The following RAB11FIP3 variants were observed in gnomAD, a reference collection of about 807,000 sequenced individuals.
The protein encoded by RAB11FIP3 is rab11 family-interacting protein 3.
RAB11FIP3 carries 17 observed loss-of-function variants against 77.8 expected under a neutral mutation model. The observed-to-expected ratio is 0.22, with a 90% CI of 0.15 to 0.33. RAB11FIP3 has a LOEUF of 0.33. RAB11FIP3 is among the 10% of genes least tolerant of loss of function. The probability of loss-of-function intolerance (pLI) is 1.00; values close to 1 mark genes in which losing one functional copy is unlikely to be tolerated. For missense variants in RAB11FIP3, 1,005 were observed against 1,011.2 expected, an observed-to-expected ratio of 0.99 and a Z score of 0.08; for synonymous variants, 437 against 448.2, an observed-to-expected ratio of 0.98 and a Z score of 0.31.
chr16:476,937 A>C (rs941557240), intron 3 of RAB11FIP3, among the ~76,000 whole-genome samples: 4 of 151,798 alleles, frequency 2.6e-5, no homozygotes, highest in African/African-American at 9.7e-5. Flanking sequence ...AAAAATACAA[A>C]AATTAGTTGG....
At chr16:449,325 C>CT (rs1194784723) in intron 1 of RAB11FIP3, among the ~76,000 whole-genome samples, 12 of 152,178 alleles carry the variant, frequency 7.9e-5, no homozygotes, top group African/African-American at 2.9e-4. Flanking sequence ...AATTCAGCTC[C>CT]TTGAGGTTAT....
chr16:450,041 G>C (rs769000229), intron 1 of RAB11FIP3, among the ~76,000 whole-genome samples: 4 of 152,116 alleles, frequency 2.6e-5, no homozygotes, highest in East Asian at 3.9e-4. Context: ...CAAGAGAGGG[G>C]GTCTTAGAAT....
intron 6 of RAB11FIP3, chr16:502,698 C>G (rs1176997332): frequency 2.1e-6 from 1 of 470,664 alleles, no homozygotes; most frequent in South Asian, 2.7e-5. Context: ...AGTACAAAGT[C>G]CTCTCTGCCA....
chr16:433,515 G>C (rs575297720), intron 1 of RAB11FIP3, among the ~76,000 whole-genome samples: 1 of 151,636 alleles, frequency 6.6e-6, no homozygotes, highest in East Asian at 1.9e-4. Flanking sequence ...TTCCTTCCAC[G>C]TTGCTGCAAA....
At chr16:430,790 C>T (rs1224182379) in intron 1 of RAB11FIP3, among the ~76,000 whole-genome samples, 1 of 152,188 alleles carries the variant, frequency 6.6e-6, no homozygotes, top group Non-Finnish European at 1.5e-5. Context: ...CTGAGGCGGG[C>T]AGATCATGAG....
intron 1 of RAB11FIP3, among the ~76,000 whole-genome samples, chr16:456,139 C>T (rs571071615): frequency 1.3e-5 from 2 of 152,088 alleles, no homozygotes; most frequent in Admixed American, 1.3e-4. Context: ...CAAGACCAGC[C>T]TGGCCAACAT....
At chr16:434,628 T>C (rs2055097843) in intron 1 of RAB11FIP3, among the ~76,000 whole-genome samples, 1 of 151,524 alleles carries the variant, frequency 6.6e-6, no homozygotes, top group African/African-American at 2.4e-5. Context: ...GGTTTTGCCA[T>C]GTTGATCTCC....
intron 2 of RAB11FIP3, among the ~76,000 whole-genome samples, chr16:462,972 G>A (rs2055641637): frequency 6.6e-6 from 1 of 152,144 alleles, no homozygotes; most frequent in African/African-American, 2.4e-5. Flanking sequence ...CATTCTCCTG[G>A]TGATGGGCAC....
intron 9 of RAB11FIP3, among the ~76,000 whole-genome samples, chr16:511,966 G>A (rs1339832681): frequency 7.0e-6 from 1 of 142,798 alleles, no homozygotes; most frequent in Non-Finnish European, 1.5e-5. Flanking sequence ...AGGCCAGGTA[G>A]GAGAGGTTCC....
chr16:462,183 C>T (rs750893265), intron 2 of RAB11FIP3, among the ~76,000 whole-genome samples: 30 of 152,332 alleles, frequency 2.0e-4, no homozygotes, highest in Admixed American at 3.9e-4. Flanking sequence ...CTGCTGGCAC[C>T]ATTGCTGATT....
At position 461,388 on chromosome 16, in the gene RAB11FIP3, C is replaced by T. The variant is rs1218350779; in HGVS notation, c.715-16C>T. 1.2e-6 allele frequency: 2 copies of T among 1,610,044 alleles called. No individual in the cohort carries two copies. The highest frequency in any genetic ancestry group is 1.3e-5 in the African/African-American group (1 of 74,806). ...GTAAAGGCTTAGGGTAACCTAGTCT[C>T]ATTTGGCAATTACAGGTGAAGGACT... On this transcript the variant is annotated splice_polypyrimidine_tract_variant and intron_variant, in intron 1 of 13. Coordinates refer to ENST00000262305, the MANE Select transcript of RAB11FIP3 (RefSeq NM_014700.4). The surrounding 1 kb of genome is among the most constrained non-coding windows in gnomAD (Gnocchi z 4.5).
At chr16:455,700 A>G (rs760979396) in intron 1 of RAB11FIP3, among the ~76,000 whole-genome samples, 117 of 152,104 alleles carry the variant, frequency 7.7e-4, no homozygotes, top group Admixed American at 2.0e-3. Flanking sequence ...GGCTCAGGCA[A>G]TCCTCCCACC....
At chr16:499,795 C>CAAA (rs11319631) in intron 6 of RAB11FIP3, among the ~76,000 whole-genome samples, 25 of 53,812 alleles carry the variant, frequency 4.6e-4, no homozygotes, top group African/African-American at 8.1e-4. Context: ...AAGACTGTCT[C>CAAA]AAAAAAAAAA....
chr16:450,823 C>T (rs1232381343), intron 1 of RAB11FIP3, among the ~76,000 whole-genome samples: 2 of 146,682 alleles, frequency 1.4e-5, no homozygotes, highest in African/African-American at 5.1e-5. Flanking sequence ...GAGAGCCTCC[C>T]GCTCCCTCCC....
chr16:464,721 C>A (rs569467226), intron 2 of RAB11FIP3, among the ~76,000 whole-genome samples: 2 of 152,174 alleles, frequency 1.3e-5, no homozygotes, highest in South Asian at 4.2e-4. Flanking sequence ...CATAGTGAGA[C>A]CTTGGCTGTG....
intron 1 of RAB11FIP3, among the ~76,000 whole-genome samples, chr16:432,695 G>A (rs2055058319): frequency 6.6e-6 from 1 of 150,422 alleles, no homozygotes; most frequent in Non-Finnish European, 1.5e-5. Flanking sequence ...TGCCTCCCGG[G>A]TTCAAGCAAT....
rs994479090 is a variant in RAB11FIP3, at chr16:446,109, G to A, written c.715-15295G>A. ...TCCCTAAAGATCACCCTGGGTGCTG[G>A]GCATGGGGGTGCGTGTCTCAACTAC... On this transcript the variant is annotated intron_variant, in intron 1 of 13. Transcript: ENST00000262305. Among the ~76,000 whole-genome samples the A allele has an allele frequency of 3.3e-5, 5 of 152,036 alleles. No individual in the cohort carries two copies. In the East Asian group the frequency reaches 9.6e-4, roughly 29 times the overall value.
At chr16:460,713 T>C (rs1207827055) in intron 1 of RAB11FIP3, among the ~76,000 whole-genome samples, 1 of 152,142 alleles carries the variant, frequency 6.6e-6, no homozygotes. Flanking sequence ...ATGTAACATA[T>C]CTATGTTGGC....
intron 4 of RAB11FIP3, among the ~76,000 whole-genome samples, chr16:488,297 G>A (rs938917605): frequency 1.3e-5 from 2 of 152,112 alleles, no homozygotes; most frequent in Admixed American, 6.5e-5. Flanking sequence ...GGAGAATGAC[G>A]TGAACCCGGG....
Sources: allele counts gnomAD v4.1 joint callset (sites outside exome capture counted in the v4.1 genomes callset), GRCh38; gene constraint gnomAD v4.1.1; non-coding constraint Gnocchi (gnomAD v3.1); transcripts MANE v1.5; gene names NCBI Gene and HGNC (gene_info 2026-07-23, HGNC 2026-07-21).